The following CPNE3 variants were observed in gnomAD, a reference collection of about 807,000 sequenced individuals.
CPNE3 encodes copine-3.
Under a neutral mutation model 63.9 loss-of-function variants are expected in CPNE3, and 68 were observed. The ratio of observed to expected loss-of-function variants is 1.06; its 90% CI spans 0.87 to 1.30. CPNE3 has a LOEUF of 1.30. CPNE3 is among the 50% of genes most tolerant of loss of function. The probability of loss-of-function intolerance (pLI) is 0.00; values close to 1 mark genes in which losing one functional copy is unlikely to be tolerated. For synonymous variants in CPNE3, 219 were observed against 197.5 expected, an observed-to-expected ratio of 1.11 and a Z score of -0.91; for missense variants, 665 against 578.1, an observed-to-expected ratio of 1.15 and a Z score of -1.54.
At chr8:86,520,721 G>T (rs1463658057) in intron 2 of CPNE3, among the ~76,000 whole-genome samples, 1 of 147,232 alleles carries the variant, frequency 6.8e-6, no homozygotes, top group South Asian at 2.2e-4. Flanking sequence ...GTGCAGTGGC[G>T]CAATCTTGGC....
intron 12 of CPNE3, among the ~76,000 whole-genome samples, chr8:86,550,216 A>C (rs928621710): frequency 5.3e-5 from 8 of 152,180 alleles, no homozygotes; most frequent in Admixed American, 1.3e-4. Context: ...TGCTTTAAAC[A>C]AAGTTGAAGA....
chr8:86,548,321 C>T lies in CPNE3; in HGVS notation c.900C>T (p.Gly300=). The stretch of plus-strand genomic sequence containing the variant: ...GGCAGGTGGGAGTGGACTTCACTGG[C>T]TCCAATGGTGACCCAAGGTCTCCAG... ...LNFTVGVDFT[G]SNGDPRSPDS... is the part of the protein sequence containing the mutation. The change falls in exon 12 of 17, where the codon GGC becomes GGT. Residue 300 remains glycine (G), a synonymous_variant. Transcript: ENST00000517490. 8 of 1,614,080 alleles carry T rather than the reference C, an allele frequency of 5.0e-6. No homozygotes were observed. The highest frequency in any genetic ancestry group is 6.8e-6 in the Non-Finnish European group (8 of 1,179,996).
At chr8:86,543,149 C>T (rs1820977392) in intron 8 of CPNE3, among the ~76,000 whole-genome samples, 1 of 151,900 alleles carries the variant, frequency 6.6e-6, no homozygotes, top group Non-Finnish European at 1.5e-5. Context: ...TTTCTTTTCC[C>T]TTGGCACATT....
rs760693468 is a variant in CPNE3, at chr8:86,528,565, C to G, written c.20C>G (p.Thr7Arg). The change falls in exon 3 of 17, where the codon ACA becomes AGA. Residue 7 changes from threonine (T) to arginine (R), a missense_variant. Physicochemically the swap from Thr to Arg is moderately conservative, Grantham distance 71 (BLOSUM62 -1). Transcript: ENST00000517490. Reference sequence around the variant, plus strand: ...CAAGACATGGCTGCCCAGTGTGTCACAAAGGTGGCGCTGAATGTTTCCTGT... The same window carrying G: ...CAAGACATGGCTGCCCAGTGTGTCAGAAAGGTGGCGCTGAATGTTTCCTGT... MAAQCV[T>R]KVALNVSCAN... The G allele has an allele frequency of 1.9e-6, 3 of 1,613,942 alleles. No individual in the cohort carries two copies. The South Asian group carries it at 3.3e-5, about 18-fold the overall frequency.
intron 14 of CPNE3, among the ~76,000 whole-genome samples, chr8:86,552,235 T>A (rs1336615706): frequency 6.6e-6 from 1 of 152,190 alleles, no homozygotes; most frequent in East Asian, 1.9e-4. Flanking sequence ...TAAACAATAT[T>A]CATAAGGTGG....
intron 2 of CPNE3, 72 bp from the exon 3 acceptor site, chr8:86,528,464 T>G: frequency 1.9e-6 from 3 of 1,556,980 alleles, no homozygotes; most frequent in Non-Finnish European, 2.6e-6. Flanking sequence ...AAGTCACCTG[T>G]TTTTGTTAGG....
Position 86,538,769 on chromosome 8 carries a change from A to G in CPNE3, c.543+1123A>G, listed in dbSNP as rs191613496. On this transcript the variant is annotated intron_variant, in intron 7 of 16. Transcript: ENST00000517490. Reference sequence around the variant, plus strand: ...CACTATGTGTGTTCCTTTTCTTTACATTTTCAGGAGGCTCATGGTGCCAGG... The same window carrying G: ...CACTATGTGTGTTCCTTTTCTTTACGTTTTCAGGAGGCTCATGGTGCCAGG... Among the ~76,000 whole-genome samples, 471 of 152,068 alleles carry G rather than the reference A, an allele frequency of 3.1e-3. 2 individuals are homozygous for G. The highest frequency in any genetic ancestry group is 0.011 in the African/African-American group (450 of 41,476).
At chr8:86,538,574 G>A (rs1820858245) in intron 7 of CPNE3, among the ~76,000 whole-genome samples, 1 of 152,104 alleles carries the variant, frequency 6.6e-6, no homozygotes, top group Non-Finnish European at 1.5e-5. Flanking sequence ...ATCCAGTCAA[G>A]GCTCAAATTT....
chr8:86,537,525 G>A, intron 6 of CPNE3, 38 bp from the exon 7 acceptor site: 1 of 1,264,328 alleles, frequency 7.9e-7, no homozygotes, highest in Non-Finnish European at 1.2e-6. Context: ...TGGGTTCAGA[G>A]GAGAACAAAT....
intron 7 of CPNE3, among the ~76,000 whole-genome samples, chr8:86,538,172 C>G (rs953087218): frequency 6.6e-6 from 1 of 152,074 alleles, no homozygotes; most frequent in Admixed American, 6.6e-5. Flanking sequence ...GTCAGGAGCT[C>G]GAGACCAGCC....
chr8:86,533,536 AAAAC>A (rs1820731152), intron 6 of CPNE3, among the ~76,000 whole-genome samples: 1 of 152,184 alleles, frequency 6.6e-6, no homozygotes, highest in African/African-American at 2.4e-5. Context: ...AGTAAAAACA[AAAAC>A]AACAACAAAA....
intron 4 of CPNE3, 119 bp downstream of exon 4, chr8:86,529,243 A>G: frequency 1.3e-6 from 1 of 790,266 alleles, no homozygotes; most frequent in South Asian, 1.9e-5. Flanking sequence ...CACTTTAAAG[A>G]CAGTTTATAT....
chr8:86,538,253 C>T (rs1374967551), intron 7 of CPNE3, among the ~76,000 whole-genome samples: 3 of 152,028 alleles, frequency 2.0e-5, no homozygotes, highest in Non-Finnish European at 4.4e-5. Flanking sequence ...CACTTGCCTG[C>T]AGTCCCAGCT....
At chr8:86,534,750 C>G (rs1014378865) in intron 6 of CPNE3, among the ~76,000 whole-genome samples, 1 of 152,128 alleles carries the variant, frequency 6.6e-6, no homozygotes, top group Non-Finnish European at 1.5e-5. Context: ...AGAGAAACTT[C>G]CCCACATTAA....
intron 7 of CPNE3, among the ~76,000 whole-genome samples, chr8:86,539,013 TAA>T (rs1162036993): frequency 6.6e-6 from 1 of 152,242 alleles, no homozygotes; most frequent in Non-Finnish European, 1.5e-5. Flanking sequence ...TTATGGGTAG[TAA>T]AATAGTGATT....
Position 86,558,695 on chromosome 8 carries a change from T to C in CPNE3, c.*285T>C, listed in dbSNP as rs765488929. On this transcript the variant is annotated 3_prime_UTR_variant, in exon 17 of 17. Transcript: ENST00000517490. Reference sequence around the variant, plus strand: ...GGGAAAGCTTATTCTGTTGTTGTTTTTGTTTACTTTCATATGATGAAAATG... The same window carrying C: ...GGGAAAGCTTATTCTGTTGTTGTTTCTGTTTACTTTCATATGATGAAAATG... The C allele has an allele frequency of 1.4e-4, 46 of 336,220 alleles. No homozygotes were observed. Among genetic ancestry groups the C allele is most frequent in the Non-Finnish European group, 2.3e-4 (41 of 177,476 alleles). The allele number at this position is 336,220 out of a possible 1,614,324, so 20.8% of individuals were successfully genotyped here. A position where few individuals can be genotyped will look rare whatever the true frequency, so the allele number is the denominator to read the frequency against.
At chr8:86,550,896 A>G in intron 12 of CPNE3, 150 bp from the exon 13 acceptor site, 1 of 710,784 alleles carries the variant, frequency 1.4e-6, no homozygotes, top group Non-Finnish European at 2.2e-6. Context: ...TCAAATATTA[A>G]CATTGATTCT....
chr8:86,536,152 T>G (rs951608953), intron 6 of CPNE3, among the ~76,000 whole-genome samples: 3 of 151,758 alleles, frequency 2.0e-5, no homozygotes, highest in African/African-American at 7.3e-5. Flanking sequence ...AAAGTTGTGT[T>G]TTATAATTTA....
intron 2 of CPNE3, among the ~76,000 whole-genome samples, chr8:86,517,978 T>C (rs538447823): frequency 2.6e-5 from 4 of 152,346 alleles, no homozygotes; most frequent in Admixed American, 2.6e-4. Flanking sequence ...AACCAGGACA[T>C]GAATATTCTT....
Sources: allele counts gnomAD v4.1 joint callset (sites outside exome capture counted in the v4.1 genomes callset), GRCh38; gene constraint gnomAD v4.1.1; transcripts MANE v1.5; gene names NCBI Gene and HGNC (gene_info 2026-07-23, HGNC 2026-07-21).